The following PITPNA variants were observed in gnomAD, a reference collection of about 807,000 sequenced individuals.
The protein encoded by PITPNA is phosphatidylinositol transfer protein alpha isoform.
A neutral mutation model predicts 50.3 loss-of-function variants in PITPNA; 13 were observed. That is an observed-to-expected ratio of 0.26 (90% confidence interval 0.17 to 0.41). The LOEUF is 0.41. PITPNA is among the 10% of genes least tolerant of loss of function. The pLI, the probability that PITPNA is intolerant of heterozygous loss-of-function variation, is 1.00. For synonymous variants in PITPNA, 120 were observed against 119.6 expected, an observed-to-expected ratio of 1.00 and a Z score of -0.02; for missense variants, 207 against 333.4, an observed-to-expected ratio of 0.62 and a Z score of 2.95.
At position 1,562,215 on chromosome 17, in the gene PITPNA, T is replaced by C. The variant is rs552500447; in HGVS notation, c.20+326A>G. 2.6e-5 allele frequency among the ~76,000 whole-genome samples: 4 copies of C among 151,828 alleles called. No individual in the cohort carries two copies. Among genetic ancestry groups the C allele is most frequent in the Admixed American group, 1.3e-4 (2 of 15,276 alleles). ...GCGCCTGAGGAGCCGTCCGCCCGGG[T>C]TGTCCCTCCGTGCCCGTGGGCCCCT... is the stretch of plus-strand genomic sequence containing the variant. On this transcript the variant is annotated intron_variant, in intron 1 of 11. Transcript: ENST00000313486. The surrounding 1 kb of genome is among the most constrained non-coding windows in gnomAD (Gnocchi z 6.4).
chr17:1,524,303 C>T (rs1471130862), intron 10 of PITPNA, among the ~76,000 whole-genome samples: 1 of 149,938 alleles, frequency 6.7e-6, no homozygotes, highest in East Asian at 2.0e-4. Flanking sequence ...CTTGGCCTCC[C>T]AAAGTGCTGG....
At position 1,540,050 on chromosome 17, in the gene PITPNA, A is replaced by G. The variant is rs888815890; in HGVS notation, c.373-1098T>C. Among the ~76,000 whole-genome samples the G allele has an allele frequency of 5.3e-5, 8 of 152,350 alleles. 1 individual carries two copies. The highest frequency in any genetic ancestry group is 3.3e-4 in the Admixed American group (5 of 15,306). On this transcript the variant is annotated intron_variant, in intron 6 of 11. Transcript: ENST00000313486. The stretch of plus-strand genomic sequence containing the variant: ...ATGACTGAGAACGAATGCTCTGACT[A>G]TTGAGGGTAAACGTCACTTCTGCAG...
In PITPNA at chr17:1,562,561, G is replaced by A; in HGVS notation, c.-1C>T. On this transcript the variant is annotated 5_prime_UTR_variant, in exon 1 of 12. Transcript: ENST00000313486. The surrounding 1 kb of genome is among the most constrained non-coding windows in gnomAD (Gnocchi z 6.4). ...CTCACTACTCCTTGAGCAGCACCAT[G>A]TCGCTTCGCGGCTCGGTGGCTGCCC... 7.4e-7 allele frequency: 1 copy of A among 1,351,332 alleles called. No individual in the cohort carries two copies. The highest frequency in any genetic ancestry group is 2.6e-5 in the Admixed American group (1 of 39,026). 83.7% of individuals were successfully genotyped at this position (1,351,332 alleles called of 1,614,324 possible).
chr17:1,546,225 G>A (rs1023013830), intron 4 of PITPNA, among the ~76,000 whole-genome samples: 5 of 152,134 alleles, frequency 3.3e-5, no homozygotes, highest in South Asian at 4.2e-4. Flanking sequence ...CACCGTGCCC[G>A]ACCCTGTCTT....
chr17:1,547,463 A>C (rs557908914), intron 4 of PITPNA, among the ~76,000 whole-genome samples: 48 of 152,282 alleles, frequency 3.2e-4, no homozygotes, highest in African/African-American at 1.0e-3. Context: ...CAGCCTGGCC[A>C]ACATGGTGAA....
chr17:1,549,038 G>C (rs567849923), intron 3 of PITPNA, among the ~76,000 whole-genome samples: 5 of 152,282 alleles, frequency 3.3e-5, no homozygotes, highest in Admixed American at 2.6e-4. Flanking sequence ...CTCTTGAGTA[G>C]CTGGGATTAC....
At chr17:1,552,971 C>T in intron 3 of PITPNA, 33 bp downstream of exon 3, 1 of 1,609,310 alleles carries the variant, frequency 6.2e-7, no homozygotes, top group Non-Finnish European at 8.5e-7. Flanking sequence ...CACACAAAAG[C>T]CAGCATCCGG....
rs2075772901 is a variant in PITPNA at position 1,562,361 on chromosome 17, C to T, written c.20+180G>A. 6.6e-6 allele frequency among the ~76,000 whole-genome samples: 1 copy of T among 150,488 alleles called. No homozygotes were observed. Among genetic ancestry groups the T allele is most frequent in the Non-Finnish European group, 1.5e-5 (1 of 67,432 alleles). The stretch of plus-strand genomic sequence containing the variant: ...CGGCCGCCCCTCCGTGCCCCGTGGG[C>T]CCCGCCTCACGTGCCGCCCGCCCCG... On this transcript the variant is annotated intron_variant, in intron 1 of 11. Transcript: ENST00000313486. The surrounding 1 kb of genome is among the most constrained non-coding windows in gnomAD (Gnocchi z 6.4).
chr17:1,559,629 G>T, intron 1 of PITPNA: 1 of 229,492 alleles, frequency 4.4e-6, no homozygotes, highest in Non-Finnish European at 7.2e-6. Flanking sequence ...GAGCTGCTGT[G>T]CCTTCCTTAT....
At chr17:1,561,574 G>A (rs1247317144) in intron 1 of PITPNA, among the ~76,000 whole-genome samples, 2 of 151,984 alleles carry the variant, frequency 1.3e-5, no homozygotes, top group Non-Finnish European at 2.9e-5. Flanking sequence ...TAACTTCCCG[G>A]CCTTCTCCAC....
In PITPNA at chr17:1,535,449, T is replaced by TG. The variant is rs752423557; in HGVS notation, c.525dup (p.Asn176GlnfsTer40). ...GAAGGTGTGAATGGTACCTTCCAATTGGGGCCCAAGGGTCCTCGGCCTGTT... is the reference window on the plus strand; with the variant it reads ...GAAGGTGTGAATGGTACCTTCCAATTGGGGGCCCAAGGGTCCTCGGCCTGTT... On this transcript the variant is annotated frameshift_variant, in exon 8 of 12. Transcript: ENST00000313486. LOFTEE classifies it high-confidence loss of function. The TG allele has an allele frequency of 6.2e-7, 1 of 1,612,682 alleles. No homozygotes were observed. Among genetic ancestry groups the TG allele is most frequent in the Non-Finnish European group, 8.5e-7 (1 of 1,178,724 alleles).
chr17:1,544,823 A>G (rs2075664854), intron 4 of PITPNA, among the ~76,000 whole-genome samples: 1 of 152,154 alleles, frequency 6.6e-6, no homozygotes, highest in Non-Finnish European at 1.5e-5. Context: ...CTGTAATCCC[A>G]GGCACTGTAC....
rs1427492267 is a variant in PITPNA, at chr17:1,557,274, C to A, written c.51+1255G>T. On this transcript the variant is annotated intron_variant, in intron 2 of 11. Coordinates refer to ENST00000313486, the MANE Select transcript of PITPNA (RefSeq NM_006224.4). Reference sequence around the variant, plus strand: ...CCTCTAAAGGGCCAGTGTCTGCCCACCCCTCTCGGGGGCCAACAAGCCTGG... The same window carrying A: ...CCTCTAAAGGGCCAGTGTCTGCCCAACCCTCTCGGGGGCCAACAAGCCTGG... Among the ~76,000 whole-genome samples the A allele has an allele frequency of 3.3e-5, 5 of 152,364 alleles. No homozygotes were observed. The East Asian group carries it at 7.7e-4, about 23-fold the overall frequency.
intron 9 of PITPNA, among the ~76,000 whole-genome samples, chr17:1,534,784 C>A (rs964290053): frequency 1.3e-5 from 2 of 152,338 alleles, no homozygotes; most frequent in African/African-American, 4.8e-5. Flanking sequence ...TTCCTGTGGC[C>A]TTCTTTTGCC....
At chr17:1,555,757 C>T (rs574850675) in intron 2 of PITPNA, among the ~76,000 whole-genome samples, 15 of 152,290 alleles carry the variant, frequency 9.8e-5, no homozygotes, top group African/African-American at 3.4e-4. Flanking sequence ...GGACTGGTGC[C>T]GTGAATCTCT....
At chr17:1,539,350 G>T (rs183315123) in intron 6 of PITPNA, among the ~76,000 whole-genome samples, 4 of 152,098 alleles carry the variant, frequency 2.6e-5, no homozygotes, top group Admixed American at 6.5e-5. Flanking sequence ...CTGAGGAGCT[G>T]GGCCCGAGTG....
chr17:1,552,862 A>G (rs2075716625), intron 3 of PITPNA, 142 bp downstream of exon 3: 3 of 859,220 alleles, frequency 3.5e-6, no homozygotes, highest in Admixed American at 4.7e-5. Flanking sequence ...TGAGTATAAC[A>G]TTTATACAGT....
chr17:1,540,595 T>C (rs183788057), intron 6 of PITPNA, among the ~76,000 whole-genome samples: 273 of 119,124 alleles, frequency 2.3e-3, no homozygotes, highest in Middle Eastern at 4.6e-3. Context: ...TTTTTTCTCT[T>C]TTTTTTTTTT....
rs1555530261 is a variant in PITPNA, at chr17:1,522,071, C to CTTTTTTT, written c.769-433_769-427dup. ...CATTCAACAAATACTTATGAAACATCTTTTTTTTTTTGAGACGGAGTCTCG... is the reference window on the plus strand; with the variant it reads ...CATTCAACAAATACTTATGAAACATCTTTTTTTTTTTTTTTTTTGAGACGGAGTCTCG... On this transcript the variant is annotated intron_variant, in intron 10 of 11. Coordinates refer to ENST00000313486, the MANE Select transcript of PITPNA (RefSeq NM_006224.4). Among the ~76,000 whole-genome samples, 47 of 141,664 alleles carry CTTTTTTT rather than the reference C, an allele frequency of 3.3e-4. 3 individuals are homozygous for CTTTTTTT. The highest frequency in any genetic ancestry group is 1.3e-3 in the African/African-American group (47 of 37,266). The allele number at this position is 141,664 out of a possible 152,430, so 92.9% of individuals were successfully genotyped here.
Sources: allele counts gnomAD v4.1 joint callset (sites outside exome capture counted in the v4.1 genomes callset), GRCh38; gene constraint gnomAD v4.1.1; non-coding constraint Gnocchi (gnomAD v3.1); transcripts MANE v1.5; gene names NCBI Gene and HGNC (gene_info 2026-07-23, HGNC 2026-07-21).